TLN2: variants seen among roughly 807,000 people sequenced by gnomAD.
The protein encoded by TLN2 is talin-2.
TLN2 carries 118 observed loss-of-function variants against 294.7 expected under a neutral mutation model. The ratio of observed to expected loss-of-function variants is 0.40; its 90% CI spans 0.34 to 0.47. TLN2 has a LOEUF of 0.47. TLN2 is among the 20% of genes least tolerant of loss of function. TLN2 has a pLI of 0.84. For missense variants in TLN2, 3,083 were observed against 3,282.2 expected (o/e 0.94, Z 1.48); for synonymous variants, 1,431 against 1,304.5 (o/e 1.10, Z -2.09).
chr15:62,628,625 T>C (rs1161713123), intron 3 of TLN2, among the ~76,000 whole-genome samples: 1 of 152,166 alleles, frequency 6.6e-6, no homozygotes, highest in Non-Finnish European at 1.5e-5. Context: ...GAAGAAGGGG[T>C]GAGCATTCCT....
At chr15:62,446,068 T>A (rs1485791156) in intron 1 of TLN2, among the ~76,000 whole-genome samples, 4 of 151,662 alleles carry the variant, frequency 2.6e-5, no homozygotes, top group South Asian at 4.2e-4. Flanking sequence ...GTGCAGTGGC[T>A]CGATCTCCAC....
chr15:62,832,235 A>C (rs1175185432), intron 54 of TLN2: 1 of 151,702 alleles, frequency 6.6e-6, no homozygotes. Context: ...CCGTAATGCC[A>C]CTGAATTGTA....
chr15:62,822,030 G>A (rs1381899349), intron 54 of TLN2, among the ~76,000 whole-genome samples: 4 of 152,120 alleles, frequency 2.6e-5, no homozygotes, highest in African/African-American at 9.7e-5. Flanking sequence ...TCGTTCTCCT[G>A]GAGAATTAGC....
At chr15:62,805,402 G>A (rs1267188248) in intron 50 of TLN2, among the ~76,000 whole-genome samples, 198 bp from the exon 51 acceptor site, 4 of 152,180 alleles carry the variant, frequency 2.6e-5, no homozygotes, top group Non-Finnish European at 5.9e-5. Flanking sequence ...TTTAGTGTAG[G>A]TGCAAGAGGT....
chr15:62,702,920 C>A, intron 19 of TLN2, 56 bp downstream of exon 19: 1 of 1,478,506 alleles, frequency 6.8e-7, no homozygotes, highest in South Asian at 1.1e-5. Flanking sequence ...TGGTCTAGAC[C>A]CGAGCAGGCA....
intron 9 of TLN2, among the ~76,000 whole-genome samples, chr15:62,673,310 C>CTTTTTTTTTTGTTTTTTTTT (rs2055688847): frequency 2.3e-5 from 1 of 42,856 alleles, no homozygotes; most frequent in African/African-American, 7.5e-5. Context: ...TTAGATGTTG[C>CTTTTTTTTTTGTTTTTTTTT]TTTTTTTTTT....
intron 23 of TLN2, among the ~76,000 whole-genome samples, chr15:62,717,363 T>C (rs2059845418): frequency 6.6e-6 from 1 of 152,240 alleles, no homozygotes; most frequent in Admixed American, 6.5e-5. Context: ...CTTTCAAGCG[T>C]GCCTGTCTTT....
intron 2 of TLN2, among the ~76,000 whole-genome samples, chr15:62,603,895 A>G (rs373973446): frequency 1.3e-5 from 2 of 152,216 alleles, no homozygotes; most frequent in African/African-American, 4.8e-5. Flanking sequence ...GAAGTTAGCA[A>G]TCTTTTCTGG....
chr15:62,710,449 A>G (rs1348199334), intron 21 of TLN2, among the ~76,000 whole-genome samples: 1 of 152,206 alleles, frequency 6.6e-6, no homozygotes, highest in Non-Finnish European at 1.5e-5. Flanking sequence ...TAAATAATTT[A>G]ACAAGATAGG....
intron 1 of TLN2, among the ~76,000 whole-genome samples, chr15:62,434,996 T>C (rs930717483): frequency 4.6e-5 from 7 of 152,222 alleles, no homozygotes; most frequent in Non-Finnish European, 4.4e-5. Context: ...CTCCCACTTA[T>C]CAGTGAGAAC....
chr15:62,810,410 G>C (rs962232258), intron 52 of TLN2, among the ~76,000 whole-genome samples: 6 of 152,190 alleles, frequency 3.9e-5, no homozygotes, highest in African/African-American at 1.2e-4. Context: ...GACATGGAAG[G>C]CTTCTGACAG....
At chr15:62,744,119 C>T (rs2140977849) in intron 32 of TLN2, among the ~76,000 whole-genome samples, 1 of 152,294 alleles carries the variant, frequency 6.6e-6, no homozygotes, top group South Asian at 2.1e-4. Flanking sequence ...GTCACTCAGC[C>T]CTGACTTTTC....
intron 1 of TLN2, among the ~76,000 whole-genome samples, chr15:62,582,225 C>CACACACAT (rs1340386816): frequency 8.3e-5 from 12 of 145,274 alleles, no homozygotes; most frequent in South Asian, 2.4e-4. Context: ...CACACACACA[C>CACACACAT]ACACACACAC....
At chr15:62,603,552 CATCTTTTACAATT>C (rs979482900) in intron 2 of TLN2, among the ~76,000 whole-genome samples, 6 of 152,050 alleles carry the variant, frequency 3.9e-5, no homozygotes, top group African/African-American at 1.4e-4. Flanking sequence ...GGGTAGTTTC[CATCTTTTACAATT>C]ACAAATAGCT....
intron 40 of TLN2, among the ~76,000 whole-genome samples, chr15:62,764,868 G>A (rs2062894575): frequency 6.6e-6 from 1 of 151,836 alleles, no homozygotes. Context: ...CCAGGAGGCT[G>A]AGGCAGGAGA....
intron 22 of TLN2, among the ~76,000 whole-genome samples, chr15:62,715,309 G>T (rs2140901049): frequency 6.6e-6 from 1 of 151,792 alleles, no homozygotes; most frequent in South Asian, 2.1e-4. Context: ...ATAAATCGGT[G>T]TGCTGTTCTT....
intron 1 of TLN2, among the ~76,000 whole-genome samples, chr15:62,578,409 A>T (rs1016916012): frequency 6.6e-6 from 1 of 152,120 alleles, no homozygotes; most frequent in Non-Finnish European, 1.5e-5. Context: ...TCTACTAAAA[A>T]TACAAAAATT....
At chr15:62,682,032 G>T (rs1020949004) in intron 11 of TLN2, among the ~76,000 whole-genome samples, 10 of 152,192 alleles carry the variant, frequency 6.6e-5, no homozygotes, top group Admixed American at 1.3e-4. Flanking sequence ...TGGGATTGCA[G>T]GCATGAGCCA....
rs78170834 is a variant in TLN2, at chr15:62,768,686, T to G, written c.5196+2264T>G. On this transcript the variant is annotated intron_variant, in intron 41 of 58. Coordinates refer to ENST00000636159, the MANE Select transcript of TLN2 (RefSeq NM_015059.3). ...ATGTGCTAACCCAAGGAAGGATGTTTCCTGTTCTGTCATGTCTCAAGAACT... is the reference window on the plus strand; with the variant it reads ...ATGTGCTAACCCAAGGAAGGATGTTGCCTGTTCTGTCATGTCTCAAGAACT... Among the ~76,000 whole-genome samples, 1,329 of 152,332 alleles carry G rather than the reference T, an allele frequency of 8.7e-3. 6 individuals are homozygous for G. The highest frequency in any genetic ancestry group is 0.013 in the Non-Finnish European group (905 of 68,028).
Sources: allele counts gnomAD v4.1 joint callset (sites outside exome capture counted in the v4.1 genomes callset), GRCh38; gene constraint gnomAD v4.1.1; transcripts MANE v1.5; gene names NCBI Gene and HGNC (gene_info 2026-07-23, HGNC 2026-07-21).